GAK: variants seen among roughly 807,000 people sequenced by gnomAD.
GAK encodes the protein cyclin G associated kinase.
A neutral mutation model predicts 143.9 loss-of-function variants in GAK; 79 were observed. The observed-to-expected ratio is 0.55, with a 90% CI of 0.46 to 0.66. The LOEUF is 0.66. Ranked by LOEUF, GAK falls within the 30% of genes least tolerant of loss-of-function variation. GAK has a pLI of 0.00. For synonymous variants in GAK, 881 were observed against 765.5 expected (o/e 1.15, Z -2.49); for missense variants, 1,693 against 1,779.7 (o/e 0.95, Z 0.88).
chr4:913,104 C>T (rs143435071), intron 2 of GAK, among the ~76,000 whole-genome samples: 13 of 152,004 alleles, frequency 8.6e-5, no homozygotes, highest in African/African-American at 3.1e-4. Context: ...GGGCAGCAGG[C>T]GTGCAGACCA....
Position 849,290 on chromosome 4 carries a change from G to C in GAK, c.*383C>G, listed in dbSNP as rs1747631000. On this transcript the variant is annotated 3_prime_UTR_variant, in exon 28 of 28. Transcript: ENST00000314167. ...GAGACACAGCAGTCATCGGAAAATA[G>C]TTTAATTCTGTACAGACAACCACGG... The C allele has an allele frequency of 4.7e-6, 1 of 214,872 alleles. No individual in the cohort carries two copies. The highest frequency in any genetic ancestry group is 1.0e-4 in the East Asian group (1 of 9,994). The allele number at this position is 214,872 out of a possible 1,614,324, so 13.3% of individuals were successfully genotyped here. A position where few individuals can be genotyped will look rare whatever the true frequency, so the allele number is the denominator to read the frequency against.
At chr4:858,803 G>A (rs1204919628) in intron 24 of GAK, among the ~76,000 whole-genome samples, 9 of 152,178 alleles carry the variant, frequency 5.9e-5, no homozygotes, top group South Asian at 4.1e-4. Context: ...GGAATTTGAG[G>A]CACTCAGGGA....
chr4:930,203 C>T (rs913646294), intron 1 of GAK, among the ~76,000 whole-genome samples: 13 of 152,202 alleles, frequency 8.5e-5, no homozygotes, highest in African/African-American at 3.1e-4. Flanking sequence ...ATACTTAATT[C>T]AGCTTTCACA....
At chr4:905,469 C>T (rs1008086056) in intron 4 of GAK, among the ~76,000 whole-genome samples, 25 of 142,904 alleles carry the variant, frequency 1.7e-4, no homozygotes, top group Non-Finnish European at 3.8e-4. Flanking sequence ...CCGCCACGCC[C>T]CATGCCATGC....
At chr4:914,240 G>A (rs1193417980) in intron 1 of GAK, among the ~76,000 whole-genome samples, 2 of 45,372 alleles carry the variant, frequency 4.4e-5, no homozygotes, top group Admixed American at 2.9e-4. Flanking sequence ...CAGCGTGCAC[G>A]GCCCCCCCCC....
chr4:851,674 A>G, intron 25 of GAK, 76 bp downstream of exon 25: 14 of 1,468,538 alleles, frequency 9.5e-6, no homozygotes, highest in Non-Finnish European at 1.3e-5. Context: ...GATGAAGAAA[A>G]CAACATAGGT....
At chr4:861,462 G>A (rs992530911) in intron 23 of GAK, among the ~76,000 whole-genome samples, 1 of 152,202 alleles carries the variant, frequency 6.6e-6, no homozygotes, top group African/African-American at 2.4e-5. Flanking sequence ...ATGGTGATGA[G>A]TGCCTGTAGT....
chr4:859,126 GC>G, intron 24 of GAK: 2 of 977,454 alleles, frequency 2.0e-6, no homozygotes, highest in Non-Finnish European at 2.4e-6. Flanking sequence ...AAGCCACAGC[GC>G]CCGGGGCCGG....
At chr4:894,183 C>T (rs1354109621) in intron 7 of GAK, 174 bp from the exon 8 acceptor site, 19 of 638,750 alleles carry the variant, frequency 3.0e-5, no homozygotes, top group Non-Finnish European at 3.9e-5. Context: ...GGGGTGATAT[C>T]GGGAACATGG....
At chr4:904,041 T>C (rs1720570555) in intron 5 of GAK, among the ~76,000 whole-genome samples, 1 of 152,248 alleles carries the variant, frequency 6.6e-6, no homozygotes, top group African/African-American at 2.4e-5. Context: ...GGTGAGATGG[T>C]GTAGCCTCAC....
chr4:885,495 C>T (rs1177760667), intron 11 of GAK, among the ~76,000 whole-genome samples: 2 of 152,210 alleles, frequency 1.3e-5, no homozygotes, highest in African/African-American at 4.8e-5. Flanking sequence ...AGGATCCACG[C>T]ACATCTCACC....
At chr4:861,672 G>C (rs1390270442) in intron 23 of GAK, among the ~76,000 whole-genome samples, 2 of 152,234 alleles carry the variant, frequency 1.3e-5, no homozygotes, top group Non-Finnish European at 2.9e-5. Flanking sequence ...AAAAGTTCCT[G>C]AAGGAAATGA....
rs756270446 is a variant in GAK at position 866,967 on chromosome 4, G to A, written c.2861C>T (p.Pro954Leu). 6.7e-6 allele frequency: 10 copies of A among 1,486,736 alleles called. No homozygotes were observed. The Admixed American group carries it at 1.4e-4, about 21-fold the overall frequency. The allele number at this position is 1,486,736 out of a possible 1,614,324, so 92.1% of individuals were successfully genotyped here. ...ACAGAAACACGTACCAGCGGCAGGG[G>A]GCCCTCCTCTTGGGGTGCTCTGCAC... ...LSVQSTPRGG[P>L]PAAADPFGPL... The change falls in exon 21 of 28, where the codon CCC (proline) becomes CTC (leucine). Residue 954 changes from proline to leucine, a missense_variant. Coordinates refer to ENST00000314167, the MANE Select transcript of GAK (RefSeq NM_005255.4).
chr4:896,975 G>A (rs915266895), intron 6 of GAK, among the ~76,000 whole-genome samples: 7 of 152,240 alleles, frequency 4.6e-5, no homozygotes, highest in African/African-American at 4.8e-5. Flanking sequence ...GGAGGAAGCC[G>A]TCCACCCAAG....
In GAK at chr4:849,616, G is replaced by T. The variant is rs1201264463; in HGVS notation, c.*57C>A. 2 of 1,406,960 alleles carry T rather than the reference G, an allele frequency of 1.4e-6. No homozygotes were observed. The highest frequency in any genetic ancestry group is 2.0e-6 in the Non-Finnish European group (2 of 1,006,440). 87.2% of individuals were successfully genotyped at this position (1,406,960 alleles called of 1,614,324 possible). A position where few individuals can be genotyped will look rare whatever the true frequency, so the allele number is the denominator to read the frequency against. On this transcript the variant is annotated 3_prime_UTR_variant, in exon 28 of 28. Coordinates refer to ENST00000314167, the MANE Select transcript of GAK (RefSeq NM_005255.4). ...CGGGGTCCTCACGGTGGGGACCCAGGTCCCACGACGGCTCCCAACCTGTGG... is the reference window on the plus strand; with the variant it reads ...CGGGGTCCTCACGGTGGGGACCCAGTTCCCACGACGGCTCCCAACCTGTGG...
intron 7 of GAK, among the ~76,000 whole-genome samples, chr4:895,624 G>A (rs1200630579): frequency 2.0e-5 from 3 of 152,260 alleles, no homozygotes; most frequent in South Asian, 4.1e-4. Flanking sequence ...ACTACGGAGG[G>A]CCAACTGCCG....
At chr4:878,895 G>A (rs1157534905) in intron 15 of GAK, among the ~76,000 whole-genome samples, 2 of 152,182 alleles carry the variant, frequency 1.3e-5, no homozygotes, top group African/African-American at 4.8e-5. Flanking sequence ...CTTCTATGGT[G>A]ACGGTGCAGA....
chr4:903,876 A>C (rs6826191), intron 5 of GAK, among the ~76,000 whole-genome samples: 2 of 152,012 alleles, frequency 1.3e-5, no homozygotes, highest in African/African-American at 4.8e-5. Flanking sequence ...AGCACCCCCA[A>C]CTGGGCGTGA....
rs1308236106 is a variant in GAK at position 883,317 on chromosome 4, G to T, written c.1402C>A (p.Arg468=). 4 of 1,613,114 alleles carry T rather than the reference G, an allele frequency of 2.5e-6. No individual in the cohort carries two copies. The Admixed American group carries it at 5.0e-5, about 20-fold the overall frequency. ...RTYRPSRFHN[R]VSECGWAARR... ...AGACAAAGCCTGTGGCCACACACCC[G>T]GTTGTGGAACCTGGAGGGCCGGTAG... The change falls in exon 13 of 28, where the codon CGG becomes AGG. Residue 468 remains arginine (R), a splice_region_variant and synonymous_variant. Coordinates refer to ENST00000314167, the MANE Select transcript of GAK (RefSeq NM_005255.4).
Sources: gnomAD v4.1 joint callset for allele counts (sites outside exome capture counted in the v4.1 genomes callset) on GRCh38, gnomAD v4.1.1 for gene constraint, MANE v1.5 for transcripts, NCBI Gene and HGNC (gene_info 2026-07-23, HGNC 2026-07-21) for gene names.